Variants in PKHD1 observed in about 807,000 individuals in gnomAD.
PKHD1 encodes the protein fibrocystin.
PKHD1 carries 291 observed loss-of-function variants against 412.0 expected under a neutral mutation model. The observed-to-expected ratio is 0.71, with a 90% CI of 0.64 to 0.78. PKHD1 has a LOEUF of 0.78. PKHD1 is among the 30% of genes least tolerant of loss of function. The pLI, the probability that PKHD1 is intolerant of heterozygous loss-of-function variation, is 0.00. For synonymous variants in PKHD1, 1,777 were observed against 1,821.5 expected, an observed-to-expected ratio of 0.98 and a Z score of 0.62; for missense variants, 4,825 against 4,950.7, an observed-to-expected ratio of 0.97 and a Z score of 0.76.
At chr6:52,014,920 G>A (rs1269661366) in intron 34 of PKHD1, among the ~76,000 whole-genome samples, 2 of 152,176 alleles carry the variant, frequency 1.3e-5, no homozygotes, top group African/African-American at 4.8e-5. Context: ...ATGGCAGGGA[G>A]ATACAGCATT....
At chr6:51,801,049 A>C (rs1468480396) in intron 52 of PKHD1, among the ~76,000 whole-genome samples, 1 of 152,216 alleles carries the variant, frequency 6.6e-6, no homozygotes, top group East Asian at 1.9e-4. Context: ...CTATTAAATG[A>C]TCTAATCTTC....
chr6:52,005,648 A>G (rs1429414186), intron 35 of PKHD1, among the ~76,000 whole-genome samples: 1 of 152,156 alleles, frequency 6.6e-6, no homozygotes, highest in Non-Finnish European at 1.5e-5. Context: ...GGGGAAGAGC[A>G]TGGCATACAC....
At chr6:51,731,927 G>A (rs1356342673) in intron 60 of PKHD1, among the ~76,000 whole-genome samples, 1 of 152,104 alleles carries the variant, frequency 6.6e-6, no homozygotes, top group African/African-American at 2.4e-5. Context: ...ATGTTTATAT[G>A]TGATTCTACT....
In PKHD1 at chr6:51,962,889, G is replaced by A. The variant is rs1044907981; in HGVS notation, c.5752-2863C>T. On this transcript the variant is annotated intron_variant, in intron 35 of 66. Coordinates refer to ENST00000371117, the MANE Select transcript of PKHD1 (RefSeq NM_138694.4). ...AATAATACAATTCCTTGCATATTTG[G>A]TTATCACTTACTAAGCTTACTCAAA... 2.0e-5 allele frequency among the ~76,000 whole-genome samples: 3 copies of A among 151,918 alleles called. No homozygotes were observed. The East Asian group carries it at 5.8e-4, about 29-fold the overall frequency.
In PKHD1 at chr6:52,045,126, A is replaced by G. The variant is rs774040350; in HGVS notation, c.2593-38T>C. The G allele has an allele frequency of 2.5e-5, 40 of 1,606,364 alleles. No individual in the cohort carries two copies. The South Asian group carries it at 4.0e-4, about 16-fold the overall frequency. ...CATTTCTGGTAAATTCTGTCATGGA[A>G]CCGAAATCTAATCTCGTCTAATCAA... is the stretch of plus-strand genomic sequence containing the variant. On this transcript the variant is annotated intron_variant, in intron 24 of 66. Coordinates refer to ENST00000371117, the MANE Select transcript of PKHD1 (RefSeq NM_138694.4).
At chr6:51,623,571 A>T (rs1317469466) in intron 66 of PKHD1, among the ~76,000 whole-genome samples, 1 of 151,168 alleles carries the variant, frequency 6.6e-6, no homozygotes, top group Admixed American at 6.6e-5. Flanking sequence ...AATTTGTTGT[A>T]TTTTTATTTA....
chr6:51,628,390 G>C lies in PKHD1; in HGVS notation c.11666-1274C>G, dbSNP rs182087411. ...AGTGTCCTCCAGCCACATCAATGTT[G>C]CTGCAAAGGATGCGATTTCATTCTT... On this transcript the variant is annotated intron_variant, in intron 65 of 66. Transcript: ENST00000371117. Among the ~76,000 whole-genome samples, 94 of 152,262 alleles carry C rather than the reference G, an allele frequency of 6.2e-4. 1 individual carries two copies. The highest frequency in any genetic ancestry group is 2.2e-3 in the African/African-American group (90 of 41,568).
chr6:51,834,847 T>C (rs753092844), intron 51 of PKHD1, among the ~76,000 whole-genome samples: 3 of 152,174 alleles, frequency 2.0e-5, no homozygotes, highest in East Asian at 1.9e-4. Flanking sequence ...CTATGCTCAA[T>C]AAGGCAATTT....
At chr6:52,081,624 C>T (rs533129056) in intron 4 of PKHD1, among the ~76,000 whole-genome samples, 17 of 152,072 alleles carry the variant, frequency 1.1e-4, no homozygotes, top group African/African-American at 4.1e-4. Context: ...CACACACATA[C>T]ACCCTGTGGA....
intron 10 of PKHD1, among the ~76,000 whole-genome samples, chr6:52,070,119 T>C (rs1810385099): frequency 4.6e-5 from 7 of 152,282 alleles, no homozygotes; most frequent in Admixed American, 4.6e-4. Flanking sequence ...AAGATACTTG[T>C]GACAGTTTTC....
chr6:52,023,753 T>C lies in PKHD1; in HGVS notation c.5237-809A>G, dbSNP rs563179467. 1.4e-3 allele frequency among the ~76,000 whole-genome samples: 218 copies of C among 152,234 alleles called. 1 individual carries two copies. Among genetic ancestry groups the C allele is most frequent in the Non-Finnish European group, 2.5e-3 (167 of 68,000 alleles). On this transcript the variant is annotated intron_variant, in intron 32 of 66. Coordinates refer to ENST00000371117, the MANE Select transcript of PKHD1 (RefSeq NM_138694.4). The stretch of plus-strand genomic sequence containing the variant: ...TTCTTATTTCCCTGCTCTTCCATCA[T>C]AAAAAAACATGGAATCTTAGGGAGT...
chr6:51,882,693 G>C lies in PKHD1; in HGVS notation c.7350+400C>G, dbSNP rs929287564. Among the ~76,000 whole-genome samples, 24 of 152,296 alleles carry C rather than the reference G, an allele frequency of 1.6e-4. No homozygotes were observed. The East Asian group carries it at 4.6e-3, about 29-fold the overall frequency. ...TGCCCCATCTGCATCCTTGTACCCT[G>C]AGAAGTCATCTAGAGTCTGATTTTT... On this transcript the variant is annotated intron_variant, in intron 46 of 66. Coordinates refer to ENST00000371117, the MANE Select transcript of PKHD1 (RefSeq NM_138694.4).
chr6:51,960,145 G>A, intron 35 of PKHD1, 119 bp from the exon 36 acceptor site: 2 of 876,312 alleles, frequency 2.3e-6, no homozygotes, highest in East Asian at 5.2e-5. Flanking sequence ...GGGCGGGATA[G>A]TATAAGTATT....
At chr6:51,824,535 A>C (rs917308877) in intron 52 of PKHD1, among the ~76,000 whole-genome samples, 1 of 152,266 alleles carries the variant, frequency 6.6e-6, no homozygotes, top group South Asian at 2.1e-4. Flanking sequence ...AGGAAGGAGA[A>C]ATAGACAGTT....
chr6:51,626,960 C>A, intron 66 of PKHD1, 37 bp downstream of exon 66: 2 of 1,609,012 alleles, frequency 1.2e-6, no homozygotes, highest in South Asian at 2.2e-5. Flanking sequence ...CACAGTGGGT[C>A]TCTCCTGTGG....
At position 51,727,540 on chromosome 6, in the gene PKHD1, T is replaced by C. The variant is rs531683156; in HGVS notation, c.10156+16845A>G. 2.6e-5 allele frequency among the ~76,000 whole-genome samples: 4 copies of C among 152,320 alleles called. 1 individual carries two copies. In the South Asian group the frequency reaches 8.3e-4, roughly 32 times the overall value. ...CTAGGACTTTACAGGGTGGCCCCCT[T>C]CTGGCGTCTTTAAACCCCTTCTCAT... On this transcript the variant is annotated intron_variant, in intron 60 of 66. Transcript: ENST00000371117.
chr6:51,964,459 C>T (rs564226169), intron 35 of PKHD1, among the ~76,000 whole-genome samples: 2 of 152,196 alleles, frequency 1.3e-5, no homozygotes, highest in East Asian at 1.9e-4. Flanking sequence ...TTCTCCACTC[C>T]GTATCCTTCT....
At chr6:52,081,465 T>C (rs75111085) in intron 4 of PKHD1, among the ~76,000 whole-genome samples, 14,128 of 151,642 alleles carry the variant, frequency 0.093, 713 homozygotes, top group Middle Eastern at 0.2. Context: ...TGAGGAGGAG[T>C]CTGACAAGTG....
intron 5 of PKHD1, 63 bp from the exon 6 acceptor site, chr6:52,076,396 C>G: frequency 8.3e-7 from 1 of 1,203,178 alleles, no homozygotes; most frequent in Non-Finnish European, 1.2e-6. Flanking sequence ...ACAGGAGGCA[C>G]AAGCCTTTCC....
Sources: allele counts gnomAD v4.1 joint callset (sites outside exome capture counted in the v4.1 genomes callset), GRCh38; gene constraint gnomAD v4.1.1; transcripts MANE v1.5; gene names NCBI Gene and HGNC (gene_info 2026-07-23, HGNC 2026-07-21).